The following PTPRG variants were observed in gnomAD, a reference collection of about 807,000 sequenced individuals.
PTPRG encodes the protein protein tyrosine phosphatase receptor type G.
In PTPRG, 102 loss-of-function variants were observed where a neutral mutation model predicts 165.3. That is an observed-to-expected ratio of 0.62 (90% CI 0.53 to 0.73). The LOEUF (loss-of-function observed/expected upper bound fraction) is 0.73, where lower values mean the gene tolerates loss of function less well. Among genes scored for constraint, PTPRG ranks in the 30% least tolerant of loss-of-function variants. PTPRG has a pLI of 0.00. For missense variants in PTPRG, 1,866 were observed against 1,861.4 expected (o/e 1.00, Z -0.05); for synonymous variants, 675 against 669.5 (o/e 1.01, Z -0.13).
chr3:62,161,977 ACC>A, intron 7 of PTPRG, among the ~76,000 whole-genome samples: 1 of 152,178 alleles, frequency 6.6e-6, no homozygotes, highest in East Asian at 1.9e-4. Flanking sequence ...CTAATAATGG[ACC>A]GTGGTTTTGT....
chr3:61,972,833 T>A (rs1294387659), intron 2 of PTPRG, among the ~76,000 whole-genome samples: 2 of 151,598 alleles, frequency 1.3e-5, no homozygotes, highest in South Asian at 4.2e-4. Context: ...TTAATTTTTT[T>A]TTTTTTGTAG....
At chr3:61,709,619 A>G (rs906656546) in intron 1 of PTPRG, among the ~76,000 whole-genome samples, 4 of 152,148 alleles carry the variant, frequency 2.6e-5, no homozygotes, top group Admixed American at 6.5e-5. Context: ...CCCGCCTTAA[A>G]TGGTTGCATT....
intron 4 of PTPRG, among the ~76,000 whole-genome samples, chr3:62,035,248 TCAGG>T (rs911247736): frequency 6.6e-6 from 1 of 152,200 alleles, no homozygotes; most frequent in Non-Finnish European, 1.5e-5. Flanking sequence ...TTCATGGTCA[TCAGG>T]CAGGGCTGAT....
chr3:61,630,931 C>A (rs1488832012), intron 1 of PTPRG, among the ~76,000 whole-genome samples: 1 of 151,996 alleles, frequency 6.6e-6, no homozygotes, highest in East Asian at 1.9e-4. Flanking sequence ...TGGCACGCGC[C>A]TGTAGTCCCA....
At chr3:62,192,481 T>G (rs1699861212) in intron 9 of PTPRG, among the ~76,000 whole-genome samples, 1 of 134,120 alleles carries the variant, frequency 7.5e-6, no homozygotes. Flanking sequence ...CAATCTCGGC[T>G]CACTGCAAGC....
intron 5 of PTPRG, among the ~76,000 whole-genome samples, chr3:62,116,535 A>C (rs1324560414): frequency 6.6e-6 from 1 of 152,204 alleles, no homozygotes; most frequent in Non-Finnish European, 1.5e-5. Flanking sequence ...TGAATCTCAG[A>C]TATAACGACG....
intron 2 of PTPRG, among the ~76,000 whole-genome samples, chr3:61,870,286 A>G (rs1209051580): frequency 6.6e-6 from 1 of 151,526 alleles, no homozygotes; most frequent in Admixed American, 6.6e-5. Flanking sequence ...CCTGATGCTA[A>G]TATTTCCATT....
At chr3:61,621,087 TTATC>T (rs1264707901) in intron 1 of PTPRG, among the ~76,000 whole-genome samples, 2 of 126,590 alleles carry the variant, frequency 1.6e-5, no homozygotes, top group South Asian at 5.1e-4. Flanking sequence ...GTATATTTAT[TTATC>T]TGTTATGTTC....
At chr3:61,674,982 A>G (rs1277562302) in intron 1 of PTPRG, among the ~76,000 whole-genome samples, 1 of 152,224 alleles carries the variant, frequency 6.6e-6, no homozygotes, top group Non-Finnish European at 1.5e-5. Context: ...AGTTAAAATA[A>G]ATTAGAACAG....
rs568208030 is a variant in PTPRG, at chr3:61,828,347, C to T, written c.190+79365C>T. 7.9e-5 allele frequency among the ~76,000 whole-genome samples: 12 copies of T among 152,266 alleles called. No individual in the cohort carries two copies. In the East Asian group the frequency reaches 2.3e-3, roughly 29 times the overall value. ...TATGTCTGTTTATTCTTTCATACAG[C>T]GACACATGTGTTGCACAACTATAAC... On this transcript the variant is annotated intron_variant, in intron 2 of 29. Coordinates refer to ENST00000474889, the MANE Select transcript of PTPRG (RefSeq NM_002841.4).
intron 2 of PTPRG, among the ~76,000 whole-genome samples, chr3:61,906,809 AGGT>A (rs1559681363): frequency 6.6e-6 from 1 of 151,794 alleles, no homozygotes; most frequent in East Asian, 1.9e-4. Context: ...GTAGGTAGGT[AGGT>A]AGGTAGGTAG....
intron 4 of PTPRG, among the ~76,000 whole-genome samples, 197 bp downstream of exon 4, chr3:62,003,694 C>T (rs532954967): frequency 2.1e-4 from 32 of 152,294 alleles, no homozygotes; most frequent in Middle Eastern, 3.4e-3. Flanking sequence ...TGGAGAAACA[C>T]AGAAGCCACA....
At chr3:61,598,434 A>G (rs1406551897) in intron 1 of PTPRG, among the ~76,000 whole-genome samples, 1 of 152,058 alleles carries the variant, frequency 6.6e-6, no homozygotes, top group African/African-American at 2.4e-5. Flanking sequence ...CTAGGATGTG[A>G]GGTTGAGCGT....
intron 2 of PTPRG, among the ~76,000 whole-genome samples, chr3:61,801,215 C>A (rs2035230209): frequency 6.6e-6 from 1 of 152,112 alleles, no homozygotes; most frequent in South Asian, 2.1e-4. Flanking sequence ...TTCATGATTA[C>A]CCCCCAGTGG....
intron 6 of PTPRG, among the ~76,000 whole-genome samples, chr3:62,140,639 G>A (rs1319304652): frequency 6.6e-6 from 1 of 152,066 alleles, no homozygotes; most frequent in Non-Finnish European, 1.5e-5. Context: ...CTGAGGTCAG[G>A]ATTTCAAGAC....
chr3:62,246,319 A>G (rs1489984818), intron 15 of PTPRG, among the ~76,000 whole-genome samples: 1 of 152,206 alleles, frequency 6.6e-6, no homozygotes, highest in Admixed American at 6.5e-5. Context: ...TCAGGTCTTC[A>G]TAGCTAACAT....
At chr3:62,021,857 C>CTTTT (rs398062374) in intron 4 of PTPRG, among the ~76,000 whole-genome samples, 18 of 97,094 alleles carry the variant, frequency 1.9e-4, no homozygotes, top group Non-Finnish European at 2.5e-4. Flanking sequence ...TTTTCCTTTT[C>CTTTT]TTTTTTTTTT....
intron 1 of PTPRG, among the ~76,000 whole-genome samples, chr3:61,677,886 A>G (rs889525299): frequency 6.6e-6 from 1 of 152,126 alleles, no homozygotes; most frequent in Non-Finnish European, 1.5e-5. Context: ...AGGGGAAGGG[A>G]AGTGACTGGT....
intron 6 of PTPRG, among the ~76,000 whole-genome samples, chr3:62,139,646 G>C (rs1016950841): frequency 6.6e-6 from 1 of 152,184 alleles, no homozygotes; most frequent in Non-Finnish European, 1.5e-5. Context: ...ACAAAATGAG[G>C]CTCTTGCAAG....
Sources: allele counts gnomAD v4.1 joint callset (sites outside exome capture counted in the v4.1 genomes callset), GRCh38; gene constraint gnomAD v4.1.1; transcripts MANE v1.5; gene names NCBI Gene and HGNC (gene_info 2026-07-23, HGNC 2026-07-21).